The following TET1 variants were observed in gnomAD, a reference collection of about 807,000 sequenced individuals.
TET1 encodes methylcytosine dioxygenase TET1.
A neutral mutation model predicts 148.7 loss-of-function variants in TET1; 13 were observed. The observed-to-expected ratio is 0.09, with a 90% CI of 0.06 to 0.14. The LOEUF is 0.14. TET1 is among the 10% of genes least tolerant of loss of function. TET1 has a pLI of 1.00. For missense variants in TET1, 2,182 were observed against 2,553.8 expected, an observed-to-expected ratio of 0.85 and a Z score of 3.14; for synonymous variants, 907 against 937.2, an observed-to-expected ratio of 0.97 and a Z score of 0.59.
rs1431291059 is a variant in TET1, at chr10:68,580,797, A to AT, written c.1914+6545_1914+6546insT. Among the ~76,000 whole-genome samples, 747 of 128,202 alleles carry AT rather than the reference A, an allele frequency of 5.8e-3. 6 individuals carry two copies. The highest frequency in any genetic ancestry group is 0.017 in the African/African-American group (597 of 35,782). The allele number at this position is 128,202 out of a possible 152,430, so 84.1% of individuals were successfully genotyped here. ...AACTCCATCTCAAAAAAAAAAAAAA[A>AT]AAAAAAAAATATATATATATATATA... On this transcript the variant is annotated intron_variant, in intron 2 of 11. Transcript: ENST00000373644.
chr10:68,686,506 G>A lies in TET1; in HGVS notation c.5203G>A (p.Glu1735Lys), dbSNP rs1282920941. The change falls in exon 11 of 12, where the codon GAG becomes AAG. Residue 1735 changes from glutamate (E) to lysine (K), a missense_variant. Transcript: ENST00000373644. Reference sequence around the variant, plus strand: ...AGCCAAGATCAAATCTGGGGCCATCGAGGTCCTGGCACCCCGCCGCAAAAA... The same window carrying A: ...AGCCAAGATCAAATCTGGGGCCATCAAGGTCCTGGCACCCCGCCGCAAAAA... ...MEAKIKSGAI[E>K]VLAPRRKKRT... 28 of 1,613,918 alleles carry A rather than the reference G, an allele frequency of 1.7e-5. No homozygotes were observed. The highest frequency in any genetic ancestry group is 2.2e-5 in the East Asian group (1 of 44,892).
At chr10:68,584,767 G>C (rs115621470) in intron 2 of TET1, among the ~76,000 whole-genome samples, 1 of 151,608 alleles carries the variant, frequency 6.6e-6, no homozygotes, top group Admixed American at 6.6e-5. Context: ...TCCATATGCA[G>C]TATACTATAG....
At chr10:68,674,670 C>A (rs1018816392) in intron 8 of TET1, 2 of 453,116 alleles carry the variant, frequency 4.4e-6, no homozygotes, top group Non-Finnish European at 8.6e-6. Context: ...AAATGGCAGA[C>A]AATGGTTGAA....
Position 68,686,691 on chromosome 10 carries a change from G to C in TET1, c.5388G>C (p.Ser1796=), listed in dbSNP as rs758227711. ...CAACAACAAACAACAGTAAGCCTTCGTCACTGCCAACCTTAGGTGAGCCCT... is the reference window on the plus strand; with the variant it reads ...CAACAACAAACAACAGTAAGCCTTCCTCACTGCCAACCTTAGGTGAGCCCT... The part of the protein sequence containing the change: ...NSTTTNNSKP[S]SLPTLGSNTE... The change falls in exon 11 of 12, where the codon TCG becomes TCC. Residue 1796 remains serine, a synonymous_variant. Coordinates refer to ENST00000373644, the MANE Select transcript of TET1 (RefSeq NM_030625.3). 3 of 1,613,130 alleles carry C rather than the reference G, an allele frequency of 1.9e-6. No homozygotes were observed. The highest frequency in any genetic ancestry group is 1.7e-4 in the Middle Eastern group (1 of 6,060).
chr10:68,602,626 G>A (rs1035474520), intron 3 of TET1, among the ~76,000 whole-genome samples: 12 of 152,160 alleles, frequency 7.9e-5, no homozygotes, highest in Non-Finnish European at 2.9e-5. Context: ...TGAAATAAAT[G>A]TAAAAAGTAA....
At position 68,652,543 on chromosome 10, in the gene TET1, G is replaced by A. The variant is rs769719107; in HGVS notation, c.4410G>A (p.Val1470=). 1.9e-6 allele frequency: 3 copies of A among 1,613,198 alleles called. No individual in the cohort carries two copies. Among genetic ancestry groups the A allele is most frequent in the South Asian group, 1.1e-5 (1 of 90,918 alleles). ...KGNAIRIEIV[V]YTGKEGKSSH... ...ACGCAATAAGGATAGAAATAGTAGTGTACACCGGTAAAGAAGGGAAAAGCT... is the reference window on the plus strand; with the variant it reads ...ACGCAATAAGGATAGAAATAGTAGTATACACCGGTAAAGAAGGGAAAAGCT... The change falls in exon 6 of 12, where the codon GTG becomes GTA. Residue 1470 remains valine, a synonymous_variant. Transcript: ENST00000373644.
At chr10:68,614,533 C>T (rs1275904171) in intron 3 of TET1, among the ~76,000 whole-genome samples, 1 of 152,116 alleles carries the variant, frequency 6.6e-6, no homozygotes, top group Non-Finnish European at 1.5e-5. Context: ...TTTTTTGAGA[C>T]AAGAGTCTTG....
intron 2 of TET1, among the ~76,000 whole-genome samples, chr10:68,593,092 C>T (rs942673187): frequency 5.3e-5 from 8 of 151,830 alleles, no homozygotes; most frequent in South Asian, 2.1e-4. Context: ...ATTACCTGGG[C>T]GTGGTGGCAT....
chr10:68,690,824 C>G lies in TET1; in HGVS notation c.5421C>G (p.Thr1807=), dbSNP rs201000084. ...CTTGTTTAGGGAGTAACACTGAGAC[C>G]GTGCAACCTGAAGTAAAAAGTGAAA... The part of the protein sequence containing the change: ...SLPTLGSNTE[T]VQPEVKSETE... Residue 1807 remains threonine (T), a synonymous_variant, in exon 12 of 12, where the codon ACC becomes ACG. Transcript: ENST00000373644. The G allele has an allele frequency of 6.2e-7, 1 of 1,605,766 alleles. No homozygotes were observed. Among genetic ancestry groups the G allele is most frequent in the African/African-American group, 1.3e-5 (1 of 74,674 alleles).
At chr10:68,620,582 C>A (rs1342273208) in intron 3 of TET1, among the ~76,000 whole-genome samples, 1 of 151,946 alleles carries the variant, frequency 6.6e-6, no homozygotes, top group Non-Finnish European at 1.5e-5. Flanking sequence ...TACACCACCC[C>A]CACCCCCAAA....
intron 2 of TET1, among the ~76,000 whole-genome samples, chr10:68,598,126 C>G (rs771382150): frequency 1.3e-5 from 2 of 152,218 alleles, no homozygotes; most frequent in African/African-American, 4.8e-5. Context: ...CAGTGGCTCA[C>G]TCCTGTAATC....
intron 4 of TET1, among the ~76,000 whole-genome samples, chr10:68,650,413 C>A (rs1052001789): frequency 1.4e-5 from 2 of 145,254 alleles, no homozygotes; most frequent in African/African-American, 5.0e-5. Flanking sequence ...GAGGGGGAGG[C>A]GGGTGGGTCA....
chr10:68,570,834 C>T (rs1188999837), intron 1 of TET1, among the ~76,000 whole-genome samples: 4 of 151,258 alleles, frequency 2.6e-5, no homozygotes, highest in Admixed American at 6.6e-5. Flanking sequence ...GGGGTTTCAC[C>T]GTGTTAGGCA....
intron 3 of TET1, among the ~76,000 whole-genome samples, chr10:68,607,436 T>C (rs1307996595): frequency 6.6e-6 from 1 of 151,964 alleles, no homozygotes; most frequent in African/African-American, 2.4e-5. Context: ...TTTTGTTTGT[T>C]TGTTTATTTG....
intron 6 of TET1, among the ~76,000 whole-genome samples, chr10:68,663,810 T>C (rs1170039941): frequency 6.6e-6 from 1 of 152,178 alleles, no homozygotes; most frequent in Non-Finnish European, 1.5e-5. Context: ...AAATACTTGG[T>C]TTTTCTGTTT....
intron 2 of TET1, among the ~76,000 whole-genome samples, chr10:68,592,137 G>A (rs1381498838): frequency 6.6e-6 from 1 of 151,936 alleles, no homozygotes; most frequent in Non-Finnish European, 1.5e-5. Flanking sequence ...GACCAACATG[G>A]TGAAACCTTG....
chr10:68,586,988 A>G (rs1027433694), intron 2 of TET1, among the ~76,000 whole-genome samples: 1 of 152,210 alleles, frequency 6.6e-6, no homozygotes, highest in Non-Finnish European at 1.5e-5. Flanking sequence ...TAAGTTTTCT[A>G]AGTATTCCAT....
intron 8 of TET1, among the ~76,000 whole-genome samples, chr10:68,673,960 CTTT>C (rs869073350): frequency 6.9e-5 from 5 of 72,398 alleles, no homozygotes; most frequent in African/African-American, 2.6e-4. Flanking sequence ...TTTTCTTTTT[CTTT>C]TTTTTTTTTT....
intron 3 of TET1, among the ~76,000 whole-genome samples, chr10:68,608,122 G>T (rs1028378779): frequency 6.6e-6 from 1 of 152,034 alleles, no homozygotes; most frequent in African/African-American, 2.4e-5. Flanking sequence ...AGAGACTGGG[G>T]TTTCATCATG....
Sources: gnomAD v4.1 joint callset for allele counts (sites outside exome capture counted in the v4.1 genomes callset) on GRCh38, gnomAD v4.1.1 for gene constraint, MANE v1.5 for transcripts, NCBI Gene and HGNC (gene_info 2026-07-23, HGNC 2026-07-21) for gene names.